The following ITGA2 variants were observed in gnomAD, a reference collection of about 807,000 sequenced individuals.
ITGA2 encodes the protein integrin subunit alpha 2.
ITGA2 carries 101 observed loss-of-function variants against 146.3 expected under a neutral mutation model. The observed-to-expected ratio is 0.69, with a 90% CI of 0.59 to 0.81. The LOEUF (loss-of-function observed/expected upper bound fraction) is 0.81. Ranked by LOEUF, ITGA2 falls within the 40% of genes least tolerant of loss-of-function variation. The pLI is 0.00. For synonymous variants in ITGA2, 477 were observed against 487.1 expected, an observed-to-expected ratio of 0.98 and a Z score of 0.27; for missense variants, 1,281 against 1,402.7, an observed-to-expected ratio of 0.91 and a Z score of 1.39.
intron 1 of ITGA2, among the ~76,000 whole-genome samples, chr5:53,000,891 CTTTTTGTTTTT>C (rs1741545847): frequency 9.5e-6 from 1 of 105,124 alleles, no homozygotes; most frequent in African/African-American, 3.5e-5. Flanking sequence ...TTTTCTTTTT[CTTTTTGTTTTT>C]TTTTTTTTTT....
chr5:52,997,164 C>T (rs868814636), intron 1 of ITGA2, among the ~76,000 whole-genome samples: 4 of 152,292 alleles, frequency 2.6e-5, no homozygotes, highest in Middle Eastern at 6.8e-3. Flanking sequence ...GTTTTCAGCT[C>T]CATAGACTGT....
chr5:53,067,083 A>C (rs1402104528), intron 15 of ITGA2, 35 bp from the exon 16 acceptor site: 11 of 1,602,594 alleles, frequency 6.9e-6, no homozygotes, highest in Non-Finnish European at 8.5e-6. Flanking sequence ...CTCAGTAATA[A>C]CATCCATCCA....
At chr5:53,044,482 T>C (rs1160145111) in intron 3 of ITGA2, among the ~76,000 whole-genome samples, 1 of 151,930 alleles carries the variant, frequency 6.6e-6, no homozygotes, top group East Asian at 1.9e-4. Flanking sequence ...GTTGATGCCC[T>C]AGGTCAGTGG....
At chr5:53,070,720 C>T (rs775730578) in intron 17 of ITGA2, among the ~76,000 whole-genome samples, 2 of 151,722 alleles carry the variant, frequency 1.3e-5, no homozygotes, top group South Asian at 2.1e-4. Flanking sequence ...TTGTTCTAAT[C>T]GTATGCTGTA....
intron 7 of ITGA2, among the ~76,000 whole-genome samples, chr5:53,054,752 G>C (rs562149936): frequency 2.0e-5 from 3 of 152,186 alleles, no homozygotes; most frequent in Admixed American, 2.0e-4. Flanking sequence ...AAAGGCATAA[G>C]AATGATACAG....
chr5:53,051,357 G>T, intron 6 of ITGA2, 54 bp from the exon 7 acceptor site: 8 of 1,574,776 alleles, frequency 5.1e-6, no homozygotes, highest in Middle Eastern at 3.4e-4. Context: ...TGGTTAAGTA[G>T]AAATTATTTT....
At chr5:53,004,690 T>C (rs1162346476) in intron 1 of ITGA2, among the ~76,000 whole-genome samples, 1 of 152,138 alleles carries the variant, frequency 6.6e-6, no homozygotes, top group Non-Finnish European at 1.5e-5. Context: ...GAAAATTGCA[T>C]CTTTCTTTTT....
chr5:52,994,962 C>G (rs1741162371), intron 1 of ITGA2, among the ~76,000 whole-genome samples: 2 of 152,074 alleles, frequency 1.3e-5, no homozygotes, highest in Non-Finnish European at 2.9e-5. Flanking sequence ...CATGAAGAAC[C>G]TCAGAGATCC....
intron 28 of ITGA2, 152 bp from the exon 29 acceptor site, chr5:53,089,794 T>G: frequency 1.5e-6 from 1 of 684,746 alleles, no homozygotes; most frequent in South Asian, 1.6e-5. Flanking sequence ...CTAAAATTAT[T>G]CTGACAATGT....
At chr5:53,083,285 T>C (rs765901334) in intron 26 of ITGA2, 55 bp from the exon 27 acceptor site, 5 of 1,143,534 alleles carry the variant, frequency 4.4e-6, no homozygotes, top group Non-Finnish European at 5.3e-6. Flanking sequence ...TTAGCATTTA[T>C]TTTTTAACTC....
intron 7 of ITGA2, among the ~76,000 whole-genome samples, chr5:53,052,192 A>G (rs1744402290): frequency 6.6e-6 from 1 of 152,030 alleles, no homozygotes; most frequent in Non-Finnish European, 1.5e-5. Context: ...GCACCCATCA[A>G]CCCATATCTA....
At chr5:52,993,826 C>G (rs1416432604) in intron 1 of ITGA2, among the ~76,000 whole-genome samples, 1 of 152,226 alleles carries the variant, frequency 6.6e-6, no homozygotes, top group Non-Finnish European at 1.5e-5. Flanking sequence ...TAAGTCTTGA[C>G]TACCAACACT....
At chr5:53,004,894 G>GTTT (rs548541753) in intron 1 of ITGA2, among the ~76,000 whole-genome samples, 1 of 55,946 alleles carries the variant, frequency 1.8e-5, no homozygotes, top group African/African-American at 9.3e-5. Flanking sequence ...TAGTTGCTTT[G>GTTT]TTTTTTTTTT....
At chr5:53,044,653 G>T (rs1743983963) in intron 3 of ITGA2, among the ~76,000 whole-genome samples, 1 of 150,798 alleles carries the variant, frequency 6.6e-6, no homozygotes. Context: ...AAAGGCATTA[G>T]ATAGAGCTAC....
chr5:53,029,043 G>A (rs1013314610), intron 2 of ITGA2, among the ~76,000 whole-genome samples: 3 of 152,158 alleles, frequency 2.0e-5, no homozygotes, highest in Non-Finnish European at 2.9e-5. Flanking sequence ...AGGCCAAGGC[G>A]GGTGGATCAC....
chr5:53,023,986 C>T (rs540777903), intron 1 of ITGA2, among the ~76,000 whole-genome samples: 1 of 152,160 alleles, frequency 6.6e-6, no homozygotes, highest in African/African-American at 2.4e-5. Flanking sequence ...GATTTAGTAT[C>T]AATGGAATGA....
At chr5:53,089,515 A>G (rs368972164) in intron 28 of ITGA2, 5 of 166,704 alleles carry the variant, frequency 3.0e-5, no homozygotes, top group Admixed American at 3.0e-4. Context: ...CTAGTATTTT[A>G]GACACCCAAT....
At chr5:53,076,606 T>C (rs1044517621) in intron 23 of ITGA2, among the ~76,000 whole-genome samples, 11 of 152,108 alleles carry the variant, frequency 7.2e-5, no homozygotes, top group African/African-American at 2.4e-4. Flanking sequence ...ATTTTTTCCT[T>C]CTTATATTTG....
At chr5:53,053,036 C>A (rs1324739834) in intron 7 of ITGA2, among the ~76,000 whole-genome samples, 5 of 152,158 alleles carry the variant, frequency 3.3e-5, no homozygotes, top group South Asian at 2.1e-4. Flanking sequence ...TTCCCTACCA[C>A]TCCTCATGAA....
Sources: gnomAD v4.1 joint callset for allele counts (sites outside exome capture counted in the v4.1 genomes callset) on GRCh38, gnomAD v4.1.1 for gene constraint, MANE v1.5 for transcripts, NCBI Gene and HGNC (gene_info 2026-07-23, HGNC 2026-07-21) for gene names.